Variants in CDH4 observed in about 807,000 individuals in gnomAD.
The protein encoded by CDH4 is cadherin-4.
CDH4 carries 33 observed loss-of-function variants against 86.0 expected under a neutral mutation model. The observed-to-expected ratio is 0.38, with a 90% CI of 0.29 to 0.51. The LOEUF (loss-of-function observed/expected upper bound fraction) is 0.51, where lower values mean the gene tolerates loss of function less well. Among genes scored for constraint, CDH4 ranks in the 20% least tolerant of loss-of-function variants. CDH4 has a pLI of 0.86. For synonymous variants in CDH4, 555 were observed against 549.4 expected (o/e 1.01, Z -0.14); for missense variants, 1,114 against 1,307.4 (o/e 0.85, Z 2.28).
At chr20:61,704,187 C>T (rs916625147) in intron 2 of CDH4, among the ~76,000 whole-genome samples, 6 of 152,052 alleles carry the variant, frequency 3.9e-5, no homozygotes, top group African/African-American at 7.2e-5. Flanking sequence ...GAAGTGCAGA[C>T]GGGACAGGAT....
rs1476108352 is a variant in CDH4 at position 61,516,014 on chromosome 20, C to T, written c.170-227549C>T. 6.6e-6 allele frequency among the ~76,000 whole-genome samples: 1 copy of T among 152,114 alleles called. No homozygotes were observed. ...GTAGAATGCAGAACTTCTCCAGCCCCATCTTCCCCTGGGCTCTGGAACGCC... is the reference window on the plus strand; with the variant it reads ...GTAGAATGCAGAACTTCTCCAGCCCTATCTTCCCCTGGGCTCTGGAACGCC... On this transcript the variant is annotated intron_variant, in intron 2 of 15. Coordinates refer to ENST00000614565, the MANE Select transcript of CDH4 (RefSeq NM_001794.5). This position sits in a 1 kb window ranked among gnomAD's most constrained non-coding sequence, Gnocchi z 4.0.
chr20:61,918,061 C>T (rs2122951807), intron 9 of CDH4, among the ~76,000 whole-genome samples: 2 of 152,376 alleles, frequency 1.3e-5, no homozygotes, highest in South Asian at 4.1e-4. Flanking sequence ...CCCGTCCCAG[C>T]CAGCTGCTGG....
chr20:61,673,572 T>C (rs1273278259), intron 2 of CDH4, among the ~76,000 whole-genome samples: 3 of 152,328 alleles, frequency 2.0e-5, no homozygotes, highest in African/African-American at 4.8e-5. Context: ...TAAGGTCTCA[T>C]TATCTCAAGA....
At chr20:61,722,161 A>G (rs2088049792) in intron 2 of CDH4, among the ~76,000 whole-genome samples, 1 of 151,884 alleles carries the variant, frequency 6.6e-6, no homozygotes, top group South Asian at 2.1e-4. Context: ...TATCCATTAA[A>G]ATTACTTCTT....
At chr20:61,679,781 C>T (rs2087489351) in intron 2 of CDH4, among the ~76,000 whole-genome samples, 1 of 152,242 alleles carries the variant, frequency 6.6e-6, no homozygotes, top group Non-Finnish European at 1.5e-5. Context: ...CAGCAGCCCG[C>T]TGGCCTGCAG....
chr20:61,756,650 C>T (rs964597626), intron 3 of CDH4, among the ~76,000 whole-genome samples: 8 of 151,754 alleles, frequency 5.3e-5, no homozygotes, highest in African/African-American at 1.5e-4. Flanking sequence ...ACCCTGAGAG[C>T]GGAGGCCTTG....
intron 6 of CDH4, among the ~76,000 whole-genome samples, chr20:61,857,927 G>A (rs1983096947): frequency 6.6e-6 from 1 of 151,854 alleles, no homozygotes; most frequent in South Asian, 2.1e-4. Context: ...GTGTGTCAGT[G>A]TGTGTCTGTC....
chr20:61,312,659 A>G (rs769542758), intron 2 of CDH4, among the ~76,000 whole-genome samples: 1 of 152,060 alleles, frequency 6.6e-6, no homozygotes, highest in Admixed American at 6.5e-5. Context: ...GTCATCTCTG[A>G]TGGCTTGGCC....
chr20:61,329,482 G>A (rs546021814), intron 2 of CDH4, among the ~76,000 whole-genome samples: 9 of 113,720 alleles, frequency 7.9e-5, no homozygotes, highest in Non-Finnish European at 1.6e-4. Context: ...GGCTGTGAGT[G>A]GCTCTTCTGC....
intron 2 of CDH4, among the ~76,000 whole-genome samples, chr20:61,730,857 A>G (rs2145925146): frequency 6.7e-6 from 1 of 149,620 alleles, no homozygotes; most frequent in East Asian, 1.9e-4. Context: ...CTGGCTGGGG[A>G]GACCACTGGG....
At chr20:61,349,795 G>A (rs1368500824) in intron 2 of CDH4, among the ~76,000 whole-genome samples, 3 of 152,314 alleles carry the variant, frequency 2.0e-5, no homozygotes, top group East Asian at 1.9e-4. Context: ...AACCATGTAC[G>A]TGGAAAGGAG....
In CDH4 at chr20:61,495,985, G is replaced by A. The variant is rs768409484; in HGVS notation, c.169+241048G>A. The stretch of plus-strand genomic sequence containing the variant: ...GAGAGGAAGGGAAGGTCCAGGTGCC[G>A]TGCCATGCAAGGGAAAGCTCCTCGA... On this transcript the variant is annotated intron_variant, in intron 2 of 15. Coordinates refer to ENST00000614565, the MANE Select transcript of CDH4 (RefSeq NM_001794.5). Among the ~76,000 whole-genome samples, 6 of 151,450 alleles carry A rather than the reference G, an allele frequency of 4.0e-5. No homozygotes were observed. In the South Asian group the frequency reaches 8.3e-4, roughly 21 times the overall value.
intron 2 of CDH4, among the ~76,000 whole-genome samples, chr20:61,561,217 G>A (rs1205503212): frequency 6.6e-6 from 1 of 152,118 alleles, no homozygotes; most frequent in Non-Finnish European, 1.5e-5. Flanking sequence ...TATCACCTCT[G>A]TTCATGTCCT....
At chr20:61,520,242 G>C (rs2085858805) in intron 2 of CDH4, among the ~76,000 whole-genome samples, 1 of 152,182 alleles carries the variant, frequency 6.6e-6, no homozygotes, top group Non-Finnish European at 1.5e-5. Context: ...TTGCCAGGAG[G>C]CCGCCTGTGT....
chr20:61,572,824 TATGGATGGATGGATGGATGG>T lies in CDH4; in HGVS notation c.170-170713_170-170694del, dbSNP rs56253553. Among the ~76,000 whole-genome samples, 267 of 146,182 alleles carry T rather than the reference TATGGATGGATGGATGGATGG, an allele frequency of 1.8e-3. 2 individuals carry two copies. Among genetic ancestry groups the T allele is most frequent in the African/African-American group, 6.6e-3 (258 of 39,180 alleles). On this transcript the variant is annotated intron_variant, in intron 2 of 15. Coordinates refer to ENST00000614565, the MANE Select transcript of CDH4 (RefSeq NM_001794.5). ...ACAGATGATTCCTCTTTCAGAACAC[TATGGATGGATGGATGGATGG>T]ATGGATGGATGGATGGATGGATGGA...
intron 9 of CDH4, among the ~76,000 whole-genome samples, chr20:61,914,417 G>A (rs943322230): frequency 6.6e-6 from 1 of 151,612 alleles, no homozygotes; most frequent in Non-Finnish European, 1.5e-5. Flanking sequence ...TTTAAATATT[G>A]AAGTCCTCAA....
At chr20:61,474,844 C>T (rs2085525802) in intron 2 of CDH4, among the ~76,000 whole-genome samples, 1 of 152,040 alleles carries the variant, frequency 6.6e-6, no homozygotes, top group Admixed American at 6.5e-5. Context: ...TTGTTTCTGC[C>T]TTGGATGAGA....
intron 2 of CDH4, among the ~76,000 whole-genome samples, chr20:61,739,844 TGG>T (rs2088311830): frequency 6.6e-6 from 1 of 152,176 alleles, no homozygotes; most frequent in East Asian, 1.9e-4. Flanking sequence ...TATAAGCAGT[TGG>T]GGGCCTCTCC....
chr20:61,274,416 G>C (rs1384238849), intron 2 of CDH4, among the ~76,000 whole-genome samples: 10 of 114,032 alleles, frequency 8.8e-5, no homozygotes, highest in Admixed American at 9.7e-5. Context: ...CAGTTTGGGG[G>C]AGTACCATGT....
Sources: gnomAD v4.1 joint callset for allele counts (sites outside exome capture counted in the v4.1 genomes callset) on GRCh38, gnomAD v4.1.1 for gene constraint, Gnocchi (gnomAD v3.1) non-coding constraint, MANE v1.5 for transcripts, NCBI Gene and HGNC (gene_info 2026-07-23, HGNC 2026-07-21) for gene names.